APBB2: variants seen among roughly 807,000 people sequenced by gnomAD.
APBB2 encodes amyloid beta precursor protein binding family B member 2, also known as Fe65-like 1.
Under a neutral mutation model 82.5 loss-of-function variants are expected in APBB2, and 38 were observed. The observed-to-expected ratio is 0.46, with a 90% CI of 0.36 to 0.60. The LOEUF (loss-of-function observed/expected upper bound fraction) is 0.60, where lower values mean the gene tolerates loss of function less well. APBB2 is among the 20% of genes least tolerant of loss of function. APBB2 has a pLI of 0.00. For synonymous variants in APBB2, 341 were observed against 368.2 expected (o/e 0.93, Z 0.85); for missense variants, 772 against 972.3 (o/e 0.79, Z 2.74).
chr4:41,159,867 T>C (rs1580495364), intron 1 of APBB2, among the ~76,000 whole-genome samples: 1 of 114,068 alleles, frequency 8.8e-6, no homozygotes, highest in Non-Finnish European at 1.8e-5. Context: ...AAGGAAGCAA[T>C]AGGCTTAAGG....
chr4:41,019,402 C>T (rs1810866493), intron 5 of APBB2, among the ~76,000 whole-genome samples: 1 of 152,046 alleles, frequency 6.6e-6, no homozygotes, highest in South Asian at 2.1e-4. Flanking sequence ...GGAAGAGAGG[C>T]GGTAAGGACA....
At chr4:40,975,384 G>A (rs1237389253) in intron 6 of APBB2, among the ~76,000 whole-genome samples, 1 of 152,054 alleles carries the variant, frequency 6.6e-6, no homozygotes, top group African/African-American at 2.4e-5. Flanking sequence ...TACTAATCCA[G>A]TTCTCCCCTC....
At chr4:41,157,705 A>G (rs910763248) in intron 1 of APBB2, among the ~76,000 whole-genome samples, 1 of 151,986 alleles carries the variant, frequency 6.6e-6, no homozygotes, top group Non-Finnish European at 1.5e-5. Context: ...GAGAGCTACG[A>G]CTCCAGGCCG....
At chr4:41,191,447 C>A (rs1774411107) in intron 1 of APBB2, among the ~76,000 whole-genome samples, 1 of 152,096 alleles carries the variant, frequency 6.6e-6, no homozygotes, top group Non-Finnish European at 1.5e-5. Context: ...CTTTAAAAAT[C>A]CAAGTGTGAA....
At chr4:41,067,394 A>G (rs1732284665) in intron 3 of APBB2, among the ~76,000 whole-genome samples, 1 of 151,704 alleles carries the variant, frequency 6.6e-6, no homozygotes, top group Admixed American at 6.6e-5. Flanking sequence ...CTGGGCAGCA[A>G]GAGTGAAACT....
intron 2 of APBB2, among the ~76,000 whole-genome samples, chr4:41,141,566 T>C (rs549028749): frequency 1.4e-4 from 21 of 152,328 alleles, no homozygotes; most frequent in Non-Finnish European, 2.5e-4. Context: ...TCTTCAATAG[T>C]TGCAATAAGA....
At chr4:41,050,066 A>C (rs1725380415) in intron 4 of APBB2, among the ~76,000 whole-genome samples, 1 of 152,082 alleles carries the variant, frequency 6.6e-6, no homozygotes, top group Non-Finnish European at 1.5e-5. Flanking sequence ...CTATTGTCCT[A>C]TGACCCTGCC....
chr4:40,832,245 G>T lies in APBB2; in HGVS notation c.1530-1668C>A, dbSNP rs553811524. Among the ~76,000 whole-genome samples the T allele has an allele frequency of 6.6e-6, 1 of 152,264 alleles. No homozygotes were observed. The highest frequency in any genetic ancestry group is 2.1e-4 in the South Asian group (1 of 4,824). On this transcript the variant is annotated intron_variant, in intron 12 of 17. Transcript: ENST00000508593. This position sits in a 1 kb window ranked among gnomAD's most constrained non-coding sequence, Gnocchi z 4.8. Reference sequence around the variant, plus strand: ...AGAAAGCCTTGGCGGCCTTGGGAAGGGACAGGGATTTACTATAGCAGGCAA... The same window carrying T: ...AGAAAGCCTTGGCGGCCTTGGGAAGTGACAGGGATTTACTATAGCAGGCAA...
At chr4:40,965,630 AAT>A (rs1212264472) in intron 6 of APBB2, among the ~76,000 whole-genome samples, 9 of 152,328 alleles carry the variant, frequency 5.9e-5, no homozygotes, top group Admixed American at 5.9e-4. Context: ...AGTTAAATAA[AAT>A]AGATGATTAA....
At chr4:41,179,181 A>G (rs1214301890) in intron 1 of APBB2, among the ~76,000 whole-genome samples, 1 of 152,244 alleles carries the variant, frequency 6.6e-6, no homozygotes, top group Non-Finnish European at 1.5e-5. Context: ...TGAGGTTCCA[A>G]GGAGAACTGT....
chr4:40,928,901 T>C lies in APBB2; in HGVS notation c.1254+5555A>G, dbSNP rs115658702. 2.7e-3 allele frequency among the ~76,000 whole-genome samples: 404 copies of C among 150,212 alleles called. 2 individuals are homozygous for C. The highest frequency in any genetic ancestry group is 9.3e-3 in the African/African-American group (379 of 40,756). On this transcript the variant is annotated intron_variant, in intron 10 of 17. Coordinates refer to ENST00000508593, the MANE Select transcript of APBB2 (RefSeq NM_004307.2). The stretch of plus-strand genomic sequence containing the variant: ...TCCCGTCTCAAAATGAACGAATGAA[T>C]GAATGAATGAACGAACGAATGAATA...
intron 5 of APBB2, among the ~76,000 whole-genome samples, chr4:41,020,108 A>G (rs544615109): frequency 6.6e-6 from 1 of 152,348 alleles, no homozygotes; most frequent in Admixed American, 6.5e-5. Flanking sequence ...TTTAAAAGCC[A>G]GGGTAAATTT....
intron 1 of APBB2, among the ~76,000 whole-genome samples, chr4:41,170,781 A>G (rs1321407247): frequency 6.6e-6 from 1 of 152,230 alleles, no homozygotes; most frequent in Non-Finnish European, 1.5e-5. Context: ...CAATGATTAT[A>G]TAAGATATTA....
intron 15 of APBB2, 56 bp downstream of exon 15, chr4:40,825,831 C>A (rs905938793): frequency 6.9e-6 from 10 of 1,458,002 alleles, no homozygotes; most frequent in Non-Finnish European, 9.6e-6. Context: ...GGGCGAACGC[C>A]TCCTGTGAGC....
chr4:40,941,697 A>C (rs1246167221), intron 7 of APBB2, among the ~76,000 whole-genome samples: 1 of 152,224 alleles, frequency 6.6e-6, no homozygotes, highest in African/African-American at 2.4e-5. Context: ...TGGTGTGATC[A>C]TAGCTCACCT....
At chr4:41,110,472 G>T (rs1015381975) in intron 2 of APBB2, among the ~76,000 whole-genome samples, 1 of 151,884 alleles carries the variant, frequency 6.6e-6, no homozygotes, top group Admixed American at 6.6e-5. Flanking sequence ...GTGTGGTGAC[G>T]GGCACCTGTA....
intron 5 of APBB2, among the ~76,000 whole-genome samples, chr4:41,015,508 G>C (rs1191402253): frequency 6.6e-6 from 1 of 152,158 alleles, no homozygotes; most frequent in East Asian, 1.9e-4. Flanking sequence ...AGGGATCTTT[G>C]CAGGAGAGAA....
Position 40,982,382 on chromosome 4 carries a change from GGAAGGAA to G in APBB2, c.835+31194_835+31200del, listed in dbSNP as rs1252858708. Among the ~76,000 whole-genome samples the G allele has an allele frequency of 6.3e-4, 7 of 11,088 alleles. 1 individual carries two copies. The highest frequency in any genetic ancestry group is 2.7e-3 in the African/African-American group (7 of 2,550). The allele number at this position is 11,088 out of a possible 152,430, so 7.3% of individuals were successfully genotyped here. Reference sequence around the variant, plus strand: ...AGGAAGGAAGGAAGGAAGGAAGGAAGGAAGGAAGGAAAGGAAAGGAAAGAAAGAAAGA... The same window carrying G: ...AGGAAGGAAGGAAGGAAGGAAGGAAGGGAAAGGAAAGGAAAGAAAGAAAGA... On this transcript the variant is annotated intron_variant, in intron 6 of 17. Coordinates refer to ENST00000508593, the MANE Select transcript of APBB2 (RefSeq NM_004307.2).
At chr4:40,928,917 C>A (rs528827425) in intron 10 of APBB2, among the ~76,000 whole-genome samples, 2 of 149,520 alleles carry the variant, frequency 1.3e-5, no homozygotes, top group South Asian at 2.2e-4. Flanking sequence ...AATGAACGAA[C>A]GAATGAATAC....
Sources: allele counts gnomAD v4.1 joint callset (sites outside exome capture counted in the v4.1 genomes callset), GRCh38; gene constraint gnomAD v4.1.1; non-coding constraint Gnocchi (gnomAD v3.1); transcripts MANE v1.5; gene names NCBI Gene and HGNC (gene_info 2026-07-23, HGNC 2026-07-21).